GALNT18: variants seen among roughly 807,000 people sequenced by gnomAD.
The protein encoded by GALNT18 is polypeptide N-acetylgalactosaminyltransferase 18.
Under a neutral mutation model 69.5 loss-of-function variants are expected in GALNT18, and 44 were observed. The ratio of observed to expected loss-of-function variants is 0.63; its 90% CI spans 0.50 to 0.81. The LOEUF (loss-of-function observed/expected upper bound fraction) is 0.81. Among genes scored for constraint, GALNT18 ranks in the 40% least tolerant of loss-of-function variants. The probability of loss-of-function intolerance (pLI) is 0.00; values close to 1 mark genes in which losing one functional copy is unlikely to be tolerated. For synonymous variants in GALNT18, 364 were observed against 318.2 expected, an observed-to-expected ratio of 1.14 and a Z score of -1.53; for missense variants, 715 against 810.0, an observed-to-expected ratio of 0.88 and a Z score of 1.42.
intron 6 of GALNT18, among the ~76,000 whole-genome samples, chr11:11,348,100 G>C (rs1037671161): frequency 1.3e-5 from 2 of 152,114 alleles, no homozygotes. Context: ...AGAGAGGGCC[G>C]GGCATGGTGG....
At chr11:11,272,965 A>T (rs890973442) in intron 10 of GALNT18, among the ~76,000 whole-genome samples, 1 of 152,120 alleles carries the variant, frequency 6.6e-6, no homozygotes, top group Non-Finnish European at 1.5e-5. Context: ...AGTCTTTTCA[A>T]TAAATTGCCT....
At chr11:11,292,867 G>C (rs891603464) in intron 10 of GALNT18, among the ~76,000 whole-genome samples, 162 bp downstream of exon 10, 2 of 152,190 alleles carry the variant, frequency 1.3e-5, no homozygotes, top group African/African-American at 4.8e-5. Context: ...AATTTGATCA[G>C]CAAATCCCTG....
rs1857952095 is a variant in GALNT18, at chr11:11,542,539, C to T, written c.235+78820G>A. On this transcript the variant is annotated intron_variant, in intron 1 of 10. Coordinates refer to ENST00000227756, the MANE Select transcript of GALNT18 (RefSeq NM_198516.3). The surrounding 1 kb of genome is among the most constrained non-coding windows in gnomAD (Gnocchi z 4.3). The stretch of plus-strand genomic sequence containing the variant: ...TGCAAAGAATAATTCCTACCATGTC[C>T]TTGTTCCGGAAAACAGTCATGCCAA... Among the ~76,000 whole-genome samples the T allele has an allele frequency of 6.6e-6, 1 of 152,216 alleles. No homozygotes were observed. Among genetic ancestry groups the T allele is most frequent in the Admixed American group, 6.5e-5 (1 of 15,282 alleles).
intron 10 of GALNT18, among the ~76,000 whole-genome samples, chr11:11,279,134 G>A (rs1469923727): frequency 6.6e-6 from 1 of 152,158 alleles, no homozygotes; most frequent in East Asian, 1.9e-4. Context: ...TCATTTAAAA[G>A]TGTGTGGCAC....
At chr11:11,271,969 A>G (rs1239041408) in intron 10 of GALNT18, among the ~76,000 whole-genome samples, 2 of 152,096 alleles carry the variant, frequency 1.3e-5, no homozygotes, top group Non-Finnish European at 2.9e-5. Flanking sequence ...CAGGGCTTGG[A>G]CCCTTTGGGT....
intron 5 of GALNT18, among the ~76,000 whole-genome samples, chr11:11,376,873 C>T (rs1402571660): frequency 1.3e-5 from 2 of 152,230 alleles, no homozygotes; most frequent in Non-Finnish European, 2.9e-5. Context: ...CTTCACTAGA[C>T]TCCAGGCTTT....
chr11:11,359,150 C>A (rs1850591963), intron 6 of GALNT18, among the ~76,000 whole-genome samples: 1 of 140,316 alleles, frequency 7.1e-6, no homozygotes, highest in African/African-American at 2.6e-5. Flanking sequence ...TTACCCAAAA[C>A]TGTGGTGTCC....
chr11:11,349,168 A>G (rs1292821454), intron 6 of GALNT18, among the ~76,000 whole-genome samples: 1 of 152,198 alleles, frequency 6.6e-6, no homozygotes, highest in Non-Finnish European at 1.5e-5. Context: ...ATAGTGTTCC[A>G]TTGTATAAAT....
At chr11:11,551,994 G>A (rs926301309) in intron 1 of GALNT18, among the ~76,000 whole-genome samples, 6 of 152,180 alleles carry the variant, frequency 3.9e-5, no homozygotes, top group African/African-American at 9.6e-5. Context: ...TCACAATGGC[G>A]GAATGTCATC....
At chr11:11,484,328 C>T (rs1030448509) in intron 1 of GALNT18, among the ~76,000 whole-genome samples, 1 of 151,952 alleles carries the variant, frequency 6.6e-6, no homozygotes, top group Non-Finnish European at 1.5e-5. Context: ...CATGGTGGCT[C>T]ACACCTGTAA....
intron 1 of GALNT18, among the ~76,000 whole-genome samples, chr11:11,571,448 G>T (rs1399231078): frequency 6.6e-6 from 1 of 152,202 alleles, no homozygotes; most frequent in African/African-American, 2.4e-5. Context: ...GAGTCCGGGT[G>T]CCTGTGCTTC....
At chr11:11,390,675 C>A (rs764037740) in intron 3 of GALNT18, among the ~76,000 whole-genome samples, 3 of 152,168 alleles carry the variant, frequency 2.0e-5, no homozygotes, top group Non-Finnish European at 2.9e-5. Flanking sequence ...GTGGAAGGAC[C>A]TTTTTCTCTG....
At chr11:11,485,366 T>A (rs1385662543) in intron 1 of GALNT18, among the ~76,000 whole-genome samples, 2 of 152,202 alleles carry the variant, frequency 1.3e-5, no homozygotes, top group African/African-American at 4.8e-5. Context: ...CTCGGTGTGA[T>A]TAATCTGCTA....
chr11:11,349,510 C>T (rs773968034), intron 6 of GALNT18, among the ~76,000 whole-genome samples: 5 of 152,304 alleles, frequency 3.3e-5, no homozygotes, highest in East Asian at 1.9e-4. Context: ...TTCTCCCTCA[C>T]CGCAGTTTTA....
chr11:11,271,045 TG>T lies in GALNT18; in HGVS notation c.*98del. 8.7e-7 allele frequency: 1 copy of T among 1,146,552 alleles called. No homozygotes were observed. The highest frequency in any genetic ancestry group is 1.2e-6 in the Non-Finnish European group (1 of 821,894). 71.0% of individuals were successfully genotyped at this position (1,146,552 alleles called of 1,614,324 possible). On this transcript the variant is annotated 3_prime_UTR_variant, in exon 11 of 11. Coordinates refer to ENST00000227756, the MANE Select transcript of GALNT18 (RefSeq NM_198516.3). Reference sequence around the variant, plus strand: ...AGCTCTTCTTGGGGGCCCACTAACCTGGTTCCCCAGACTCCAAACAACCCCA... The same window carrying T: ...AGCTCTTCTTGGGGGCCCACTAACCTGTTCCCCAGACTCCAAACAACCCCA...
At chr11:11,293,260 G>T (rs1849336539) in intron 9 of GALNT18, 67 bp from the exon 10 acceptor site, 2 of 1,265,476 alleles carry the variant, frequency 1.6e-6, no homozygotes, top group African/African-American at 3.1e-5. Context: ...AGCATAGGTG[G>T]TGATTCTTCC....
chr11:11,589,652 A>C (rs1214888200), intron 1 of GALNT18, among the ~76,000 whole-genome samples: 1 of 152,062 alleles, frequency 6.6e-6, no homozygotes, highest in African/African-American at 2.4e-5. Context: ...GCTGAATGCT[A>C]ATGACAGCCC....
At chr11:11,400,871 G>C (rs1229689382) in intron 3 of GALNT18, among the ~76,000 whole-genome samples, 1 of 152,120 alleles carries the variant, frequency 6.6e-6, no homozygotes, top group African/African-American at 2.4e-5. Context: ...TTTCTATTGG[G>C]ACCGTGCCAT....
In GALNT18 at chr11:11,402,125, T is replaced by C. The variant is rs1050358729; in HGVS notation, c.596-22861A>G. Among the ~76,000 whole-genome samples the C allele has an allele frequency of 6.6e-6, 1 of 152,234 alleles. No homozygotes were observed. Among genetic ancestry groups the C allele is most frequent in the African/African-American group, 2.4e-5 (1 of 41,460 alleles). On this transcript the variant is annotated intron_variant, in intron 3 of 10. Transcript: ENST00000227756. The surrounding 1 kb of genome is among the most constrained non-coding windows in gnomAD (Gnocchi z 4.0). Reference sequence around the variant, plus strand: ...GTAATCACAGATGGCTGGCACAGAATTCTTCACATAAAGGCAGAAAGGCTA... The same window carrying C: ...GTAATCACAGATGGCTGGCACAGAACTCTTCACATAAAGGCAGAAAGGCTA...
Sources: gnomAD v4.1 joint callset for allele counts (sites outside exome capture counted in the v4.1 genomes callset) on GRCh38, gnomAD v4.1.1 for gene constraint, Gnocchi (gnomAD v3.1) non-coding constraint, MANE v1.5 for transcripts, NCBI Gene and HGNC (gene_info 2026-07-23, HGNC 2026-07-21) for gene names.